Variants in RASGRF2 observed in about 807,000 individuals in gnomAD.
RASGRF2 encodes the protein Ras protein specific guanine nucleotide releasing factor 2.
Under a neutral mutation model 151.0 loss-of-function variants are expected in RASGRF2, and 76 were observed. That is an observed-to-expected ratio of 0.50 (90% CI 0.42 to 0.61). The LOEUF (loss-of-function observed/expected upper bound fraction) is 0.61, where lower values mean the gene tolerates loss of function less well. Among genes scored for constraint, RASGRF2 ranks in the 20% least tolerant of loss-of-function variants. The pLI, the probability that RASGRF2 is intolerant of heterozygous loss-of-function variation, is 0.00. For missense variants in RASGRF2, 1,148 were observed against 1,564.6 expected, an observed-to-expected ratio of 0.73 and a Z score of 4.49; for synonymous variants, 504 against 566.5, an observed-to-expected ratio of 0.89 and a Z score of 1.57.
chr5:81,097,943 C>T (rs1409584727), intron 12 of RASGRF2, among the ~76,000 whole-genome samples: 5 of 152,144 alleles, frequency 3.3e-5, no homozygotes, highest in Admixed American at 2.6e-4. Flanking sequence ...GAAAGGATTG[C>T]TGTGGCTGCT....
At chr5:81,058,867 A>G (rs532175084) in intron 2 of RASGRF2, among the ~76,000 whole-genome samples, 1 of 151,888 alleles carries the variant, frequency 6.6e-6, no homozygotes, top group African/African-American at 2.4e-5. Flanking sequence ...ATATTAGATC[A>G]TATTAGATGA....
At position 81,092,929 on chromosome 5, in the gene RASGRF2, A is replaced by G. The variant is rs1236787575; in HGVS notation, c.1519A>G (p.Arg507Gly). The part of the protein sequence containing the change: ...LFTKHFLICT[R>G]SSGGKLHLLK... ...TACAAAACACTTTTTAATATGTACAAGAAGTTCAGGAGGGAAGCTTCATCT... is the reference window on the plus strand; with the variant it reads ...TACAAAACACTTTTTAATATGTACAGGAAGTTCAGGAGGGAAGCTTCATCT... The change falls in exon 10 of 27, where the codon AGA becomes GGA. Residue 507 changes from arginine (R) to glycine (G), a missense_variant. Coordinates refer to ENST00000265080, the MANE Select transcript of RASGRF2 (RefSeq NM_006909.3). 3 of 1,613,046 alleles carry G rather than the reference A, an allele frequency of 1.9e-6. No homozygotes were observed. Among genetic ancestry groups the G allele is most frequent in the East Asian group, 2.2e-5 (1 of 44,866 alleles).
chr5:81,093,657 C>T (rs1279038645), intron 10 of RASGRF2, among the ~76,000 whole-genome samples: 2 of 152,182 alleles, frequency 1.3e-5, no homozygotes, highest in Admixed American at 6.5e-5. Context: ...TCAAGTGATC[C>T]TCCTGCCTTG....
chr5:81,203,986 AC>A (rs749983970), intron 19 of RASGRF2: 5 of 152,222 alleles, frequency 3.3e-5, no homozygotes, highest in Non-Finnish European at 5.9e-5. Flanking sequence ...GACAGTGTGG[AC>A]CAATCCCAGG....
Position 81,173,205 on chromosome 5 carries a change from C to T in RASGRF2, c.2687-6970C>T, listed in dbSNP as rs563819678. 4.1e-4 allele frequency among the ~76,000 whole-genome samples: 62 copies of T among 152,110 alleles called. 1 individual carries two copies. Among genetic ancestry groups the T allele is most frequent in the Middle Eastern group, 6.8e-3 (2 of 294 alleles). ...CACCCTGGCCAACATGGTGAAACCC[C>T]ATCTCTACTAAAAATACAAAAAATT... On this transcript the variant is annotated intron_variant, in intron 17 of 26. Coordinates refer to ENST00000265080, the MANE Select transcript of RASGRF2 (RefSeq NM_006909.3).
At chr5:81,034,712 C>T (rs1402601749) in intron 1 of RASGRF2, among the ~76,000 whole-genome samples, 5 of 149,760 alleles carry the variant, frequency 3.3e-5, no homozygotes, top group African/African-American at 1.2e-4. Context: ...AAAAACCAAA[C>T]ACCGCATATT....
chr5:81,038,393 A>G (rs531451899), intron 1 of RASGRF2, among the ~76,000 whole-genome samples: 1 of 151,110 alleles, frequency 6.6e-6, no homozygotes, highest in East Asian at 1.9e-4. Flanking sequence ...CTGTCCATCT[A>G]ATGGGAATGA....
At chr5:80,995,379 C>CATATATAT (rs751207758) in intron 1 of RASGRF2, among the ~76,000 whole-genome samples, 227 of 132,302 alleles carry the variant, frequency 1.7e-3, no homozygotes, top group African/African-American at 6.0e-3. Context: ...AATGGAATTT[C>CATATATAT]ATATATATAT....
At chr5:81,125,811 C>A (rs1487243391) in intron 16 of RASGRF2, among the ~76,000 whole-genome samples, 1 of 152,090 alleles carries the variant, frequency 6.6e-6, no homozygotes, top group Admixed American at 6.5e-5. Flanking sequence ...TTGTTTCTTC[C>A]CTGATATAAC....
intron 1 of RASGRF2, among the ~76,000 whole-genome samples, chr5:80,995,017 G>T (rs1218987507): frequency 6.6e-6 from 1 of 152,120 alleles, no homozygotes; most frequent in Admixed American, 6.6e-5. Flanking sequence ...AGCACTTTGG[G>T]AGGCTGAGGT....
intron 9 of RASGRF2, chr5:81,087,829 G>C (rs1191191110): frequency 1.2e-5 from 2 of 164,656 alleles, no homozygotes; most frequent in Non-Finnish European, 2.7e-5. Context: ...TTTATAATGT[G>C]CCAATACATT....
At chr5:81,064,659 A>G (rs538049359) in intron 2 of RASGRF2, among the ~76,000 whole-genome samples, 31 of 152,262 alleles carry the variant, frequency 2.0e-4, no homozygotes, top group African/African-American at 6.3e-4. Context: ...TTACTCTGTG[A>G]CTGTGAATGC....
intron 4 of RASGRF2, among the ~76,000 whole-genome samples, chr5:81,072,480 T>C (rs1461076867): frequency 6.6e-6 from 1 of 152,190 alleles, no homozygotes; most frequent in African/African-American, 2.4e-5. Flanking sequence ...TTGGTAGTGA[T>C]TTAATACTTT....
At chr5:81,003,934 G>A (rs994535883) in intron 1 of RASGRF2, among the ~76,000 whole-genome samples, 1 of 152,148 alleles carries the variant, frequency 6.6e-6, no homozygotes, top group Non-Finnish European at 1.5e-5. Flanking sequence ...GAGAGTCCTG[G>A]AGATCACAAT....
rs376296182 is a variant in RASGRF2 at position 81,070,608 on chromosome 5, T to C, written c.633+27T>C. The C allele has an allele frequency of 2.8e-5, 44 of 1,547,288 alleles. No individual in the cohort carries two copies. The African/African-American group carries it at 4.6e-4, about 16-fold the overall frequency. ...TAGGGCCTGGAGGTTTCCAGCTTTG[T>C]AGGAGCATGGTGACCAGTCGTCTGT... is the stretch of plus-strand genomic sequence containing the variant. On this transcript the variant is annotated intron_variant, in intron 4 of 26. Transcript: ENST00000265080.
chr5:81,074,631 A>G (rs1751882657), intron 5 of RASGRF2, among the ~76,000 whole-genome samples: 1 of 152,136 alleles, frequency 6.6e-6, no homozygotes, highest in African/African-American at 2.4e-5. Context: ...TCATTGTTTC[A>G]CTTAACATTA....
intron 1 of RASGRF2, among the ~76,000 whole-genome samples, chr5:80,999,916 C>T (rs1749024605): frequency 6.6e-6 from 1 of 152,158 alleles, no homozygotes; most frequent in South Asian, 2.1e-4. Context: ...TTTAAAACAT[C>T]AATCACTTTA....
At chr5:80,994,102 A>T (rs7731059) in intron 1 of RASGRF2, among the ~76,000 whole-genome samples, 1 of 151,970 alleles carries the variant, frequency 6.6e-6, no homozygotes, top group Admixed American at 6.5e-5. Context: ...CCTGCGAAGT[A>T]CACTTTAAGA....
At position 81,008,139 on chromosome 5, in the gene RASGRF2, C is replaced by CTTTTTTTTTTTT. The variant is rs58105434; in HGVS notation, c.289-34720_289-34709dup. ...AGTTTTCTTTTTCTTTCTTTCTTTCCTTTTTTTTTTTTTTTTTTTTTTTTT... is the reference window on the plus strand; with the variant it reads ...AGTTTTCTTTTTCTTTCTTTCTTTCCTTTTTTTTTTTTTTTTTTTTTTTTTTTTTTTTTTTTT... On this transcript the variant is annotated intron_variant, in intron 1 of 26. Coordinates refer to ENST00000265080, the MANE Select transcript of RASGRF2 (RefSeq NM_006909.3). Among the ~76,000 whole-genome samples the CTTTTTTTTTTTT allele has an allele frequency of 1.5e-4, 13 of 85,416 alleles. 1 individual carries two copies. Among genetic ancestry groups the CTTTTTTTTTTTT allele is most frequent in the African/African-American group, 3.3e-4 (7 of 21,510 alleles). 56.0% of individuals were successfully genotyped at this position (85,416 alleles called of 152,430 possible). A position where few individuals can be genotyped will look rare whatever the true frequency, so the allele number is the denominator to read the frequency against.
Sources: allele counts gnomAD v4.1 joint callset (sites outside exome capture counted in the v4.1 genomes callset), GRCh38; gene constraint gnomAD v4.1.1; transcripts MANE v1.5; gene names NCBI Gene and HGNC (gene_info 2026-07-23, HGNC 2026-07-21).